SDCCAG8: variants seen among roughly 807,000 people sequenced by gnomAD.
The protein encoded by SDCCAG8 is SHH signaling and ciliogenesis regulator SDCCAG8.
A neutral mutation model predicts 101.8 loss-of-function variants in SDCCAG8; 74 were observed. The ratio of observed to expected loss-of-function variants is 0.73; its 90% CI spans 0.60 to 0.88. SDCCAG8 has a LOEUF of 0.88. SDCCAG8 is among the 40% of genes least tolerant of loss of function. The probability of loss-of-function intolerance (pLI) is 0.00; values close to 1 mark genes in which losing one functional copy is unlikely to be tolerated. For missense variants in SDCCAG8, 787 were observed against 822.6 expected (o/e 0.96, Z 0.53); for synonymous variants, 281 against 292.9 (o/e 0.96, Z 0.41).
intron 17 of SDCCAG8, among the ~76,000 whole-genome samples, chr1:243,498,134 G>A (rs940284838): frequency 6.6e-6 from 1 of 152,216 alleles, no homozygotes; most frequent in Non-Finnish European, 1.5e-5. Flanking sequence ...GGGGTGGAGG[G>A]CCATTCAAAC....
intron 17 of SDCCAG8, 82 bp downstream of exon 17, chr1:243,489,222 C>A: frequency 1.3e-6 from 2 of 1,536,236 alleles, no homozygotes; most frequent in East Asian, 2.4e-5. Flanking sequence ...AACAGGCCGG[C>A]TTTCTCACGG....
chr1:243,283,209 G>A (rs910901714), intron 4 of SDCCAG8, among the ~76,000 whole-genome samples: 2 of 151,752 alleles, frequency 1.3e-5, no homozygotes, highest in African/African-American at 2.4e-5. Context: ...TTTTCTCTTT[G>A]TCTTTGATTT....
chr1:243,261,937 G>C (rs529706580), intron 1 of SDCCAG8, among the ~76,000 whole-genome samples: 1 of 148,506 alleles, frequency 6.7e-6, no homozygotes, highest in South Asian at 2.2e-4. Flanking sequence ...TCAGCCTCCC[G>C]AGTAGCTGGG....
chr1:243,384,974 C>T (rs919894250), intron 13 of SDCCAG8, among the ~76,000 whole-genome samples: 5 of 152,136 alleles, frequency 3.3e-5, no homozygotes, highest in Non-Finnish European at 7.3e-5. Flanking sequence ...TTTATTCACC[C>T]GTTCTACATG....
intron 10 of SDCCAG8, among the ~76,000 whole-genome samples, chr1:243,333,094 T>C (rs188891135): frequency 1.3e-5 from 2 of 152,352 alleles, no homozygotes; most frequent in Admixed American, 1.3e-4. Context: ...ATTTCTCTTG[T>C]CCATGCCTTA....
chr1:243,326,543 A>G (rs1186061396), intron 9 of SDCCAG8, among the ~76,000 whole-genome samples: 1 of 152,240 alleles, frequency 6.6e-6, no homozygotes, highest in Non-Finnish European at 1.5e-5. Context: ...GAAAAATGGT[A>G]CATAGGGATA....
At chr1:243,356,573 C>G (rs992038073) in intron 12 of SDCCAG8, among the ~76,000 whole-genome samples, 1 of 151,940 alleles carries the variant, frequency 6.6e-6, no homozygotes, top group Admixed American at 6.6e-5. Flanking sequence ...AACATGACCA[C>G]CTATCCATCA....
intron 16 of SDCCAG8, among the ~76,000 whole-genome samples, chr1:243,432,491 C>T (rs1284949932): frequency 6.6e-6 from 1 of 151,924 alleles, no homozygotes; most frequent in Non-Finnish European, 1.5e-5. Flanking sequence ...TACAAGTTTA[C>T]CTATATAACA....
intron 16 of SDCCAG8, among the ~76,000 whole-genome samples, chr1:243,431,312 A>C (rs2081748911): frequency 6.6e-6 from 1 of 152,250 alleles, no homozygotes; most frequent in Non-Finnish European, 1.5e-5. Flanking sequence ...CGAAATGTGT[A>C]GGAAGTAGAA....
At chr1:243,342,529 CA>C (rs1247548721) in intron 11 of SDCCAG8, among the ~76,000 whole-genome samples, 1 of 152,176 alleles carries the variant, frequency 6.6e-6, no homozygotes, top group East Asian at 1.9e-4. Context: ...GCTGCTTAAA[CA>C]GTTTTTACAT....
chr1:243,431,831 T>TC (rs1452317460), intron 16 of SDCCAG8, among the ~76,000 whole-genome samples: 6 of 152,152 alleles, frequency 3.9e-5, no homozygotes, highest in African/African-American at 9.7e-5. Context: ...CTCCCAGTAA[T>TC]CCCGGGGGTT....
intron 16 of SDCCAG8, among the ~76,000 whole-genome samples, chr1:243,468,938 A>T (rs1660688491): frequency 6.6e-6 from 1 of 152,206 alleles, no homozygotes. Flanking sequence ...TAATGATTGT[A>T]TGTTTATTTA....
At chr1:243,434,173 A>G (rs916048452) in intron 16 of SDCCAG8, among the ~76,000 whole-genome samples, 12 of 152,244 alleles carry the variant, frequency 7.9e-5, no homozygotes, top group Non-Finnish European at 1.5e-5. Flanking sequence ...TACTTGCATC[A>G]GTGGTATAAT....
Position 243,357,768 on chromosome 1 carries a change from G to A in SDCCAG8, c.1473+13437G>A, listed in dbSNP as rs147901922. ...AGCAAAGGGTGTGGCCTACTGTGGC[G>A]GGAGAGGGTCCAGAAAGATTTTACA... On this transcript the variant is annotated intron_variant, in intron 12 of 17. Transcript: ENST00000366541. 2.4e-3 allele frequency among the ~76,000 whole-genome samples: 371 copies of A among 152,268 alleles called. 4 individuals are homozygous for A. The highest frequency in any genetic ancestry group is 8.7e-3 in the African/African-American group (361 of 41,546).
chr1:243,439,622 TCACACACACACACACACACACACA>T (rs60044857), intron 16 of SDCCAG8, among the ~76,000 whole-genome samples: 1 of 120,144 alleles, frequency 8.3e-6, no homozygotes, highest in East Asian at 2.6e-4. Flanking sequence ...TGAGACTCCA[TCACACACACACACACACACACACA>T]CACACACACA....
chr1:243,378,889 A>G lies in SDCCAG8; in HGVS notation c.1616+26A>G, dbSNP rs778109492. On this transcript the variant is annotated intron_variant, in intron 13 of 17. Coordinates refer to ENST00000366541, the MANE Select transcript of SDCCAG8 (RefSeq NM_006642.5). ...GTACTCCCTAATCCCATTATGCGCCATAGCACCGATTTCATTCCACTGATT... is the reference window on the plus strand; with the variant it reads ...GTACTCCCTAATCCCATTATGCGCCGTAGCACCGATTTCATTCCACTGATT... 1.3e-5 allele frequency: 21 copies of G among 1,613,782 alleles called. No homozygotes were observed. The African/African-American group carries it at 2.1e-4, about 16-fold the overall frequency.
intron 13 of SDCCAG8, among the ~76,000 whole-genome samples, chr1:243,384,741 A>G (rs1023998901): frequency 1.5e-4 from 23 of 151,778 alleles, no homozygotes; most frequent in African/African-American, 5.6e-4. Flanking sequence ...CCAGGAGTTC[A>G]AGGCCATCCT....
At chr1:243,491,848 T>G (rs1666497176) in intron 17 of SDCCAG8, among the ~76,000 whole-genome samples, 4 of 152,250 alleles carry the variant, frequency 2.6e-5, no homozygotes, top group Admixed American at 2.6e-4. Flanking sequence ...ATGTCCGGGT[T>G]AGAGATGGTT....
At chr1:243,476,192 C>T (rs954103045) in intron 16 of SDCCAG8, 5 of 985,358 alleles carry the variant, frequency 5.1e-6, no homozygotes, top group East Asian at 1.1e-4. Flanking sequence ...CTTCAGTTAC[C>T]GTGGCAACCA....
Sources: gnomAD v4.1 joint callset for allele counts (sites outside exome capture counted in the v4.1 genomes callset) on GRCh38, gnomAD v4.1.1 for gene constraint, MANE v1.5 for transcripts, NCBI Gene and HGNC (gene_info 2026-07-23, HGNC 2026-07-21) for gene names.